Variants in LMAN1 observed in about 807,000 individuals in gnomAD.
LMAN1 encodes the protein lectin, mannose binding 1, also known as protein ERGIC-53.
In LMAN1, 32 loss-of-function variants were observed where a neutral mutation model predicts 67.8. That is an observed-to-expected ratio of 0.47 (90% CI 0.36 to 0.63). LMAN1 has a LOEUF of 0.63. Ranked by LOEUF, LMAN1 falls within the 30% of genes least tolerant of loss-of-function variation. The pLI, the probability that LMAN1 is intolerant of heterozygous loss-of-function variation, is 0.00. For missense variants in LMAN1, 632 were observed against 628.2 expected, an observed-to-expected ratio of 1.01 and a Z score of -0.06; for synonymous variants, 235 against 219.3, an observed-to-expected ratio of 1.07 and a Z score of -0.63.
chr18:59,343,030 G>C (rs1908321761), intron 8 of LMAN1, among the ~76,000 whole-genome samples: 2 of 140,640 alleles, frequency 1.4e-5, no homozygotes, highest in Non-Finnish European at 1.5e-5. Flanking sequence ...ACCAAATCTA[G>C]AAGGCAATTC....
At chr18:59,346,209 CTTTTTTTTTTTTTTT>C (rs370183077) in intron 7 of LMAN1, among the ~76,000 whole-genome samples, 158 bp from the exon 8 acceptor site, 19 of 61,610 alleles carry the variant, frequency 3.1e-4, no homozygotes, top group Non-Finnish European at 2.9e-4. Flanking sequence ...GCAAATTACT[CTTTTTTTTTTTTTTT>C]TTTTTTTTTT....
chr18:59,358,916 G>T (rs922351325), intron 1 of LMAN1, 115 bp downstream of exon 1: 5 of 1,052,460 alleles, frequency 4.8e-6, no homozygotes, highest in African/African-American at 3.1e-5. Context: ...CAGCGCATAT[G>T]GTGTGCAGCT....
chr18:59,357,777 T>C (rs1019117932), intron 1 of LMAN1, among the ~76,000 whole-genome samples: 49 of 152,056 alleles, frequency 3.2e-4, no homozygotes, highest in African/African-American at 1.2e-3. Context: ...TTTCAAGAAC[T>C]GGATAATCTA....
intron 8 of LMAN1, among the ~76,000 whole-genome samples, chr18:59,339,627 C>T (rs1352334375): frequency 6.6e-6 from 1 of 152,196 alleles, no homozygotes; most frequent in Non-Finnish European, 1.5e-5. Context: ...CCTACAACAG[C>T]TCCAGTTGGG....
At chr18:59,332,985 A>C in intron 11 of LMAN1, 106 bp downstream of exon 11, 1 of 925,180 alleles carries the variant, frequency 1.1e-6, no homozygotes, top group Admixed American at 2.0e-5. Context: ...TTAAACATTA[A>C]AAATAAGCAT....
chr18:59,356,915 C>T (rs190442270), intron 1 of LMAN1, among the ~76,000 whole-genome samples: 1 of 152,218 alleles, frequency 6.6e-6, no homozygotes, highest in African/African-American at 2.4e-5. Flanking sequence ...GCCCTTATGG[C>T]CTTAAGTGTA....
At chr18:59,339,646 T>C (rs2144216158) in intron 8 of LMAN1, among the ~76,000 whole-genome samples, 1 of 152,286 alleles carries the variant, frequency 6.6e-6, no homozygotes, top group Admixed American at 6.5e-5. Context: ...GGCACCACTG[T>C]TGATAGCCTA....
intron 8 of LMAN1, among the ~76,000 whole-genome samples, chr18:59,344,654 A>G (rs28817933): frequency 0.042 from 6,404 of 152,184 alleles, 320 homozygotes; most frequent in African/African-American, 0.12. Flanking sequence ...GGAGACTACA[A>G]AAGGTGGGAG....
intron 6 of LMAN1, 102 bp downstream of exon 6, chr18:59,349,011 T>G: frequency 1.4e-6 from 2 of 1,397,750 alleles, no homozygotes; most frequent in Non-Finnish European, 2.0e-6. Flanking sequence ...CCAAACAGTC[T>G]TAAAAAGTTA....
intron 10 of LMAN1, 30 bp downstream of exon 10, chr18:59,338,527 A>G: frequency 6.3e-7 from 1 of 1,582,890 alleles, no homozygotes; most frequent in Non-Finnish European, 8.7e-7. Context: ...AAAATCACAT[A>G]ACACACAAAC....
intron 8 of LMAN1, among the ~76,000 whole-genome samples, chr18:59,343,729 A>G (rs1908338823): frequency 6.6e-6 from 1 of 152,174 alleles, no homozygotes; most frequent in Non-Finnish European, 1.5e-5. Flanking sequence ...ACTCTTCTGC[A>G]TATTGGCCTA....
chr18:59,345,710 A>G (rs1908384190), intron 8 of LMAN1, among the ~76,000 whole-genome samples: 1 of 152,196 alleles, frequency 6.6e-6, no homozygotes, highest in Non-Finnish European at 1.5e-5. Flanking sequence ...TTTATTTCAT[A>G]CATGACTAAG....
intron 5 of LMAN1, chr18:59,352,978 G>A (rs750489667): frequency 2.2e-5 from 11 of 499,998 alleles, no homozygotes; most frequent in East Asian, 8.4e-5. Flanking sequence ...TATACAGTAG[G>A]GGGCTTAAAC....
chr18:59,356,255 ATTC>A (rs1395721201), intron 1 of LMAN1, among the ~76,000 whole-genome samples: 1 of 152,192 alleles, frequency 6.6e-6, no homozygotes, highest in Non-Finnish European at 1.5e-5. Flanking sequence ...TCAAAAAGCA[ATTC>A]TTCAGAAGAT....
At chr18:59,336,851 T>A (rs1908162801) in intron 10 of LMAN1, among the ~76,000 whole-genome samples, 1 of 151,806 alleles carries the variant, frequency 6.6e-6, no homozygotes, top group Non-Finnish European at 1.5e-5. Flanking sequence ...ACTACTGCAC[T>A]CCAGCCTGGG....
chr18:59,356,208 T>TTA (rs1259917961), intron 1 of LMAN1, among the ~76,000 whole-genome samples: 2 of 152,232 alleles, frequency 1.3e-5, no homozygotes, highest in Admixed American at 6.5e-5. Context: ...AATACTGTAC[T>TTA]TATATACATT....
chr18:59,338,986 C>T (rs1417680024), intron 8 of LMAN1, 33 bp from the exon 9 acceptor site: 1 of 1,578,138 alleles, frequency 6.3e-7, no homozygotes, highest in Non-Finnish European at 8.7e-7. Context: ...TGATCAGAGT[C>T]ACCTACACAT....
At chr18:59,357,978 A>AAT (rs1555672821) in intron 1 of LMAN1, among the ~76,000 whole-genome samples, 5 of 151,698 alleles carry the variant, frequency 3.3e-5, no homozygotes, top group Non-Finnish European at 7.4e-5. Flanking sequence ...AAAAAAAAAA[A>AAT]AAAAAAGATT....
At chr18:59,340,877 T>C (rs892742530) in intron 8 of LMAN1, among the ~76,000 whole-genome samples, 2 of 152,162 alleles carry the variant, frequency 1.3e-5, no homozygotes, top group Non-Finnish European at 2.9e-5. Flanking sequence ...TATATCAATA[T>C]TAACCTTGAA....
Sources: allele counts gnomAD v4.1 joint callset (sites outside exome capture counted in the v4.1 genomes callset), GRCh38; gene constraint gnomAD v4.1.1; transcripts MANE v1.5; gene names NCBI Gene and HGNC (gene_info 2026-07-23, HGNC 2026-07-21).